Variants in ARHGEF26 observed in about 807,000 individuals in gnomAD.
ARHGEF26 encodes the protein Rho guanine nucleotide exchange factor (GEF) 26.
ARHGEF26 carries 59 observed loss-of-function variants against 89.4 expected under a neutral mutation model. The observed-to-expected ratio is 0.66, with a 90% CI of 0.54 to 0.82. The LOEUF (loss-of-function observed/expected upper bound fraction) is 0.82, where lower values mean the gene tolerates loss of function less well. Among genes scored for constraint, ARHGEF26 ranks in the 40% least tolerant of loss-of-function variants. The pLI, the probability that ARHGEF26 is intolerant of heterozygous loss-of-function variation, is 0.00. For synonymous variants in ARHGEF26, 500 were observed against 428.4 expected, an observed-to-expected ratio of 1.17 and a Z score of -2.06; for missense variants, 1,234 against 1,085.6, an observed-to-expected ratio of 1.14 and a Z score of -1.92.
chr3:154,131,131 C>G (rs967723045), intron 4 of ARHGEF26, among the ~76,000 whole-genome samples: 9 of 152,056 alleles, frequency 5.9e-5, no homozygotes, highest in African/African-American at 2.2e-4. Context: ...TTCACAGTGT[C>G]AGGGGAAGTA....
intron 6 of ARHGEF26, among the ~76,000 whole-genome samples, chr3:154,184,903 T>G (rs1713424522): frequency 6.6e-6 from 1 of 152,224 alleles, no homozygotes; most frequent in Admixed American, 6.5e-5. Context: ...GTCTTCTTTC[T>G]GTGCCCTTGT....
rs757766581 is a variant in ARHGEF26, at chr3:154,129,690, T to C, written c.1240T>C (p.Leu414=). The change falls in exon 4 of 15, where the codon TTG becomes CTG. Residue 414 remains leucine (L), a synonymous_variant. Coordinates refer to ENST00000465093, the MANE Select transcript of ARHGEF26 (RefSeq NM_015595.4). ...AAAAATTGTGATTCACCATAAGCCATTGAGATCCACATGGAGCCAACTCTC... is the reference window on the plus strand; with the variant it reads ...AAAAATTGTGATTCACCATAAGCCACTGAGATCCACATGGAGCCAACTCTC... ...DEKIVIHHKP[L]RSTWSQLSAV... 6.2e-7 allele frequency: 1 copy of C among 1,612,540 alleles called. No individual in the cohort carries two copies. Among genetic ancestry groups the C allele is most frequent in the South Asian group, 1.1e-5 (1 of 90,584 alleles).
At chr3:154,185,140 A>G (rs1052722767) in intron 6 of ARHGEF26, among the ~76,000 whole-genome samples, 3 of 151,894 alleles carry the variant, frequency 2.0e-5, no homozygotes, top group Non-Finnish European at 4.4e-5. Flanking sequence ...TTTACTCACC[A>G]TACTTCTGAC....
chr3:154,122,843 G>A lies in ARHGEF26; in HGVS notation c.851G>A (p.Gly284Asp), dbSNP rs762548034. 6.2e-7 allele frequency: 1 copy of A among 1,612,888 alleles called. No homozygotes were observed. The highest frequency in any genetic ancestry group is 8.5e-7 in the Non-Finnish European group (1 of 1,179,432). The change falls in exon 2 of 15, where the codon GGC (glycine) becomes GAC (aspartate). Residue 284 changes from glycine to aspartate, a missense_variant. Coordinates refer to ENST00000465093, the MANE Select transcript of ARHGEF26 (RefSeq NM_015595.4). Reference protein sequence around the residue: ...RLLKVRSMVEGLGGPLGHAGE... With the variant: ...RLLKVRSMVEDLGGPLGHAGE... Reference sequence around the variant, plus strand: ...CTCAAGGTGCGCAGCATGGTGGAGGGCCTAGGAGGACCCCTGGGTCACGCA... The same window carrying A: ...CTCAAGGTGCGCAGCATGGTGGAGGACCTAGGAGGACCCCTGGGTCACGCA...
At chr3:154,166,382 A>G (rs1712039898) in intron 6 of ARHGEF26, among the ~76,000 whole-genome samples, 1 of 152,154 alleles carries the variant, frequency 6.6e-6, no homozygotes, top group South Asian at 2.1e-4. Context: ...AAGAGTTGCT[A>G]GAGGTAGCAA....
chr3:154,235,695 C>G (rs1051895131), intron 11 of ARHGEF26, among the ~76,000 whole-genome samples: 26 of 152,096 alleles, frequency 1.7e-4, no homozygotes, highest in Admixed American at 6.5e-4. Context: ...CATGAACATA[C>G]CTATCATCCA....
At chr3:154,200,703 TATTG>T (rs1312864711) in intron 9 of ARHGEF26, among the ~76,000 whole-genome samples, 19 of 151,634 alleles carry the variant, frequency 1.3e-4, no homozygotes, top group African/African-American at 4.6e-4. Context: ...ATTTTAATAA[TATTG>T]ATTCTTCCAA....
chr3:154,213,719 G>A (rs1480003939), intron 9 of ARHGEF26, among the ~76,000 whole-genome samples: 1 of 152,152 alleles, frequency 6.6e-6, no homozygotes, highest in East Asian at 1.9e-4. Flanking sequence ...ATGATCACTT[G>A]ATGTCAGGAG....
rs1220657775 is a variant in ARHGEF26, at chr3:154,249,476, TTTAAG to T, written c.2301-3635_2301-3631del. On this transcript the variant is annotated intron_variant, in intron 12 of 14. Transcript: ENST00000465093. Reference sequence around the variant, plus strand: ...TATGAAAAGACTACATTTATAGACATTTAAGTTAAAAGAGTCTCTTTTCAATTTAG... The same window carrying T: ...TATGAAAAGACTACATTTATAGACATTTAAAAGAGTCTCTTTTCAATTTAG... Among the ~76,000 whole-genome samples, 10 of 152,306 alleles carry T rather than the reference TTTAAG, an allele frequency of 6.6e-5. 1 individual carries two copies. The South Asian group carries it at 1.4e-3, about 22-fold the overall frequency.
chr3:154,253,935 A>G (rs1718318171), intron 13 of ARHGEF26, among the ~76,000 whole-genome samples: 3 of 152,204 alleles, frequency 2.0e-5, no homozygotes, highest in Admixed American at 2.0e-4. Context: ...GTCACATGTC[A>G]GCATTTTGTT....
intron 10 of ARHGEF26, among the ~76,000 whole-genome samples, chr3:154,224,458 A>G: frequency 6.6e-6 from 1 of 152,198 alleles, no homozygotes; most frequent in Non-Finnish European, 1.5e-5. Flanking sequence ...CAGAACAGTC[A>G]CAGGGCAGCA....
chr3:154,257,013 G>T lies in ARHGEF26; in HGVS notation c.*1540G>T, dbSNP rs1718565789. On this transcript the variant is annotated 3_prime_UTR_variant, in exon 15 of 15. Transcript: ENST00000465093. Reference sequence around the variant, plus strand: ...ACAAAGGGATAAAACCTGGCAAAGTGTACATTATTGGAGGACTCAAATCTG... The same window carrying T: ...ACAAAGGGATAAAACCTGGCAAAGTTTACATTATTGGAGGACTCAAATCTG... The T allele has an allele frequency of 6.7e-7, 1 of 1,492,754 alleles. No homozygotes were observed. The highest frequency in any genetic ancestry group is 1.3e-5 in the South Asian group (1 of 75,366). The allele number at this position is 1,492,754 out of a possible 1,614,324, so 92.5% of individuals were successfully genotyped here.
chr3:154,153,047 G>T, intron 6 of ARHGEF26, 115 bp downstream of exon 6: 1 of 969,232 alleles, frequency 1.0e-6, no homozygotes, highest in Non-Finnish European at 1.4e-6. Context: ...GTTGGCTTTT[G>T]TCTTGATTCC....
At chr3:154,206,175 A>G (rs550911511) in intron 9 of ARHGEF26, among the ~76,000 whole-genome samples, 2 of 152,066 alleles carry the variant, frequency 1.3e-5, no homozygotes, top group African/African-American at 4.8e-5. Flanking sequence ...TTATGGTAAA[A>G]GTTTTTTGCC....
chr3:154,124,452 A>G lies in ARHGEF26; in HGVS notation c.1123+3A>G. The G allele has an allele frequency of 1.3e-6, 2 of 1,541,916 alleles. No homozygotes were observed. Among genetic ancestry groups the G allele is most frequent in the African/African-American group, 1.4e-5 (1 of 71,002 alleles). On this transcript the variant is annotated splice_donor_region_variant and intron_variant, in intron 3 of 14. Transcript: ENST00000465093. ...ACAAGGAACATTTGATGGGGAAGGT[A>G]AGCATTTAATTTTCCAAACTTTCAT... is the stretch of plus-strand genomic sequence containing the variant.
At chr3:154,238,472 A>C (rs1717257996) in intron 11 of ARHGEF26, among the ~76,000 whole-genome samples, 1 of 152,204 alleles carries the variant, frequency 6.6e-6, no homozygotes, top group South Asian at 2.1e-4. Flanking sequence ...AAAGTTTTTC[A>C]AGGAGCATGA....
chr3:154,224,748 G>GAAAA (rs1716368359), intron 10 of ARHGEF26, among the ~76,000 whole-genome samples: 1 of 152,148 alleles, frequency 6.6e-6, no homozygotes, highest in Non-Finnish European at 1.5e-5. Flanking sequence ...TGAAAAGTTT[G>GAAAA]GGGTTAGCCA....
intron 9 of ARHGEF26, among the ~76,000 whole-genome samples, chr3:154,208,228 G>A (rs1273315418): frequency 1.3e-5 from 2 of 152,076 alleles, no homozygotes; most frequent in Non-Finnish European, 2.9e-5. Context: ...TGCATATTGG[G>A]CATACATACC....
In ARHGEF26 at chr3:154,217,860, T is replaced by C. The variant is rs1171456055; in HGVS notation, c.1846-9T>C. On this transcript the variant is annotated splice_polypyrimidine_tract_variant and intron_variant, in intron 9 of 14. Transcript: ENST00000465093. ...ACCTTTAACCCTCGTTACTCTTCTGTGTTCCCAGTTGGTTCGACTATGCAA... is the reference window on the plus strand; with the variant it reads ...ACCTTTAACCCTCGTTACTCTTCTGCGTTCCCAGTTGGTTCGACTATGCAA... The C allele has an allele frequency of 3.2e-6, 5 of 1,587,168 alleles. No individual in the cohort carries two copies. Among genetic ancestry groups the C allele is most frequent in the Non-Finnish European group, 4.3e-6 (5 of 1,165,482 alleles).
Sources: gnomAD v4.1 joint callset for allele counts (sites outside exome capture counted in the v4.1 genomes callset) on GRCh38, gnomAD v4.1.1 for gene constraint, MANE v1.5 for transcripts, NCBI Gene and HGNC (gene_info 2026-07-23, HGNC 2026-07-21) for gene names.